The following CUBN variants were observed in gnomAD, a reference collection of about 807,000 sequenced individuals.
The protein encoded by CUBN is 460 kDa receptor.
CUBN carries 282 observed loss-of-function variants against 405.3 expected under a neutral mutation model. The observed-to-expected ratio is 0.70, with a 90% CI of 0.63 to 0.77. The LOEUF is 0.77. CUBN is among the 30% of genes least tolerant of loss of function. CUBN has a pLI of 0.00. For synonymous variants in CUBN, 1,684 were observed against 1,617.0 expected (o/e 1.04, Z -0.99); for missense variants, 4,514 against 4,475.2 (o/e 1.01, Z -0.25).
Position 16,969,827 on chromosome 10 carries a change from T to C in CUBN, c.4695+12657A>G, listed in dbSNP as rs112053769. Reference sequence around the variant, plus strand: ...TTTCTATTGTATTCCCAGAAGAGTATGGGGATAGTCTTGTAACCCAGAGAT... The same window carrying C: ...TTTCTATTGTATTCCCAGAAGAGTACGGGGATAGTCTTGTAACCCAGAGAT... On this transcript the variant is annotated intron_variant, in intron 31 of 66. Coordinates refer to ENST00000377833, the MANE Select transcript of CUBN (RefSeq NM_001081.4). Among the ~76,000 whole-genome samples, 434 of 152,244 alleles carry C rather than the reference T, an allele frequency of 2.9e-3. 2 individuals carry two copies. Among genetic ancestry groups the C allele is most frequent in the African/African-American group, 9.9e-3 (411 of 41,530 alleles).
intron 3 of CUBN, among the ~76,000 whole-genome samples, chr10:17,127,342 T>G (rs1438975129): frequency 1.4e-5 from 2 of 146,044 alleles, no homozygotes; most frequent in Non-Finnish European, 3.0e-5. Context: ...CATAGCTCAC[T>G]GCAGTCTCAA....
At chr10:16,965,920 A>C (rs1365946129) in intron 31 of CUBN, 1 of 468,914 alleles carries the variant, frequency 2.1e-6, no homozygotes, top group African/African-American at 2.0e-5. Context: ...CACGCTTAGC[A>C]GTGCAGAGCC....
chr10:17,129,213 G>A lies in CUBN; in HGVS notation c.160C>T (p.Leu54Phe), dbSNP rs1837265152. 6.2e-7 allele frequency: 1 copy of A among 1,613,654 alleles called. No homozygotes were observed. The highest frequency in any genetic ancestry group is 8.5e-7 in the Non-Finnish European group (1 of 1,179,582). The stretch of plus-strand genomic sequence containing the variant: ...TCAATGTTTTGAGCAGACCCCGTAA[G>A]AAACACCAAATTTCCTCTCTCTGTA... ...MATERGNLVF[L>F]TGSAQNIEFR... is the part of the protein sequence containing the mutation. The change falls in exon 2 of 67, where the codon CTT becomes TTT. Residue 54 changes from leucine (L) to phenylalanine (F), a missense_variant. Coordinates refer to ENST00000377833, the MANE Select transcript of CUBN (RefSeq NM_001081.4).
intron 48 of CUBN, among the ~76,000 whole-genome samples, chr10:16,909,498 A>G (rs1205211657): frequency 6.6e-6 from 1 of 152,240 alleles, no homozygotes; most frequent in Non-Finnish European, 1.5e-5. Flanking sequence ...ATAAAGAAAC[A>G]GATGAGGAAA....
chr10:17,012,551 A>G (rs1834214213), intron 28 of CUBN, among the ~76,000 whole-genome samples: 1 of 152,190 alleles, frequency 6.6e-6, no homozygotes, highest in South Asian at 2.1e-4. Context: ...ACTGTCTGAG[A>G]AATGCTTTGA....
intron 17 of CUBN, among the ~76,000 whole-genome samples, chr10:17,080,005 G>A (rs7091854): frequency 0.14 from 20,913 of 152,038 alleles, 2,596 homozygotes; most frequent in African/African-American, 0.33. Flanking sequence ...AGGTTCAGAC[G>A]GAGGACAGAC....
intron 59 of CUBN, among the ~76,000 whole-genome samples, chr10:16,854,542 A>G (rs1466255799): frequency 6.6e-6 from 1 of 152,208 alleles, no homozygotes; most frequent in Non-Finnish European, 1.5e-5. Context: ...GTGAAAGGAC[A>G]TTGCTGTGGT....
At chr10:16,908,987 A>T (rs1841642059) in intron 48 of CUBN, among the ~76,000 whole-genome samples, 1 of 144,986 alleles carries the variant, frequency 6.9e-6, no homozygotes. Context: ...GGTTCACGCC[A>T]TTCTCCTGCC....
At chr10:16,972,027 T>C (rs1465794147) in intron 31 of CUBN, among the ~76,000 whole-genome samples, 1 of 152,158 alleles carries the variant, frequency 6.6e-6, no homozygotes, top group African/African-American at 2.4e-5. Context: ...ATCCTCACGC[T>C]CGTTGGCATC....
At position 16,937,724 on chromosome 10, in the gene CUBN, C is replaced by G. The variant is rs749462295; in HGVS notation, c.5794G>C (p.Glu1932Gln). ...LIGAYCGTQT[E>Q]SFSSTGNSLT... is the part of the protein sequence containing the mutation. Reference sequence around the variant, plus strand: ...GAATTTCCAGTGGAGCTGAAAGATTCAGTCTGGGTACCACAGTAAGCTCCA... The same window carrying G: ...GAATTTCCAGTGGAGCTGAAAGATTGAGTCTGGGTACCACAGTAAGCTCCA... The change falls in exon 39 of 67, where the codon GAA becomes CAA. Residue 1932 changes from glutamate (E) to glutamine (Q), a missense_variant. Physicochemically the swap from Glu to Gln is conservative, Grantham distance 29. This residue lies in a region of CUBN where 1,613 missense variants were observed against 1,542.8 expected (regional missense o/e 1.05). Transcript: ENST00000377833. 35 of 1,614,082 alleles carry G rather than the reference C, an allele frequency of 2.2e-5. No individual in the cohort carries two copies. The East Asian group carries it at 3.3e-4, about 15-fold the overall frequency.
chr10:17,113,275 C>CAACAA (rs1169534424), intron 8 of CUBN, among the ~76,000 whole-genome samples: 3 of 152,014 alleles, frequency 2.0e-5, no homozygotes, highest in Non-Finnish European at 4.4e-5. Context: ...AAAACAACAA[C>CAACAA]AACAAAACAA....
Position 16,913,902 on chromosome 10 carries a change from C to T in CUBN, c.7442G>A (p.Arg2481Lys), listed in dbSNP as rs1841805679. 6.2e-7 allele frequency: 1 copy of T among 1,614,100 alleles called. No individual in the cohort carries two copies. The highest frequency in any genetic ancestry group is 8.5e-7 in the Non-Finnish European group (1 of 1,180,014). ...CCGCCTTCCCTCCGGGGCAGTGATT[C>T]TCCACTCGCAGATCCGGCCATGAGG... ...PNPHGRICEWRITAPEGRRIT... is the reference protein window; with the variant it reads ...PNPHGRICEWKITAPEGRRIT... The change falls in exon 48 of 67, where the codon AGA (arginine) becomes AAA (lysine). Residue 2481 changes from arginine to lysine, a missense_variant. Physicochemically the swap from Arg to Lys is conservative, Grantham distance 26. Coordinates refer to ENST00000377833, the MANE Select transcript of CUBN (RefSeq NM_001081.4).
rs1039184998 is a variant in CUBN, at chr10:17,110,786, G to C, written c.1015+133C>G. The stretch of plus-strand genomic sequence containing the variant: ...GATCTGCCCACCTCAGCCTCCCAAA[G>C]TGCTGGGATTACAGGCATGAGCAAC... On this transcript the variant is annotated intron_variant, in intron 9 of 66. Coordinates refer to ENST00000377833, the MANE Select transcript of CUBN (RefSeq NM_001081.4). The C allele has an allele frequency of 5.2e-6, 7 of 1,343,212 alleles. No individual in the cohort carries two copies. The Admixed American group carries it at 6.7e-5, about 13-fold the overall frequency. 83.2% of individuals were successfully genotyped at this position (1,343,212 alleles called of 1,614,324 possible).
intron 60 of CUBN, among the ~76,000 whole-genome samples, chr10:16,850,172 G>C (rs11254246): frequency 0.034 from 5,117 of 152,116 alleles, 473 homozygotes; most frequent in East Asian, 0.22. Flanking sequence ...TTCCTTCTAA[G>C]CTTGCACATT....
intron 2 of CUBN, 43 bp downstream of exon 2, chr10:17,129,078 T>G (rs1837262436): frequency 6.5e-7 from 1 of 1,526,988 alleles, no homozygotes; most frequent in Admixed American, 1.7e-5. Flanking sequence ...AGTCACCGTA[T>G]ATGGATATAC....
chr10:16,996,508 C>A (rs1833739461), intron 28 of CUBN, among the ~76,000 whole-genome samples: 1 of 152,156 alleles, frequency 6.6e-6, no homozygotes, highest in African/African-American at 2.4e-5. Flanking sequence ...AAGAACTTCA[C>A]TAATATTGTT....
chr10:16,959,222 T>C (rs934574286), intron 31 of CUBN, among the ~76,000 whole-genome samples: 2 of 152,210 alleles, frequency 1.3e-5, no homozygotes, highest in Admixed American at 6.5e-5. Flanking sequence ...ATGTACCTAA[T>C]TGTCATTTTA....
Position 17,068,589 on chromosome 10 carries a change from G to C in CUBN, c.2791+16C>G. 1.3e-6 allele frequency: 2 copies of C among 1,584,720 alleles called. No homozygotes were observed. Among genetic ancestry groups the C allele is most frequent in the Non-Finnish European group, 1.7e-6 (2 of 1,160,642 alleles). ...AAGCCCAAGAGGAGGAAAAAAAAAA[G>C]GGAACAGTCTCTTACCCAAATCCTC... On this transcript the variant is annotated intron_variant, in intron 20 of 66. Coordinates refer to ENST00000377833, the MANE Select transcript of CUBN (RefSeq NM_001081.4).
intron 14 of CUBN, among the ~76,000 whole-genome samples, chr10:17,096,698 T>C (rs149111494): frequency 6.6e-6 from 1 of 152,184 alleles, no homozygotes; most frequent in Non-Finnish European, 1.5e-5. Flanking sequence ...CATTACAGAA[T>C]ATACATTCTT....
Sources: gnomAD v4.1 joint callset for allele counts (sites outside exome capture counted in the v4.1 genomes callset) on GRCh38, gnomAD v4.1.1 for gene constraint, gnomAD v4.1.1 regional missense constraint, MANE v1.5 for transcripts, NCBI Gene and HGNC (gene_info 2026-07-23, HGNC 2026-07-21) for gene names.